The following ACOX1 variants were observed in gnomAD, a reference collection of about 807,000 sequenced individuals.
The protein encoded by ACOX1 is acyl-CoA oxidase 1, also known as peroxisomal acyl-coenzyme A oxidase 1.
A neutral mutation model predicts 75.5 loss-of-function variants in ACOX1; 41 were observed. That is an observed-to-expected ratio of 0.54 (90% CI 0.42 to 0.70). The LOEUF is 0.70. ACOX1 is among the 30% of genes least tolerant of loss of function. ACOX1 has a pLI of 0.00. For synonymous variants in ACOX1, 303 were observed against 298.8 expected (o/e 1.01, Z -0.15); for missense variants, 630 against 837.5 (o/e 0.75, Z 3.06).
rs1378528743 is a variant in ACOX1, at chr17:75,943,875, G to T, written c.*2873C>A. The T allele has an allele frequency of 1.3e-5, 2 of 152,064 alleles. No homozygotes were observed. Among genetic ancestry groups the T allele is most frequent in the African/African-American group, 4.8e-5 (2 of 41,386 alleles). The allele number at this position is 152,064 out of a possible 1,614,324, so 9.4% of individuals were successfully genotyped here. On this transcript the variant is annotated 3_prime_UTR_variant, in exon 14 of 14. Coordinates refer to ENST00000293217, the MANE Select transcript of ACOX1 (RefSeq NM_004035.7). The stretch of plus-strand genomic sequence containing the variant: ...TTTTCAATTTTGTATTTGGTTGAGA[G>T]TACTTTTTAAAAAAAGGCTTAAATC...
At chr17:75,968,589 AAGC>A (rs2065963079) in intron 2 of ACOX1, among the ~76,000 whole-genome samples, 3 of 142,340 alleles carry the variant, frequency 2.1e-5, no homozygotes, top group Non-Finnish European at 3.1e-5. Context: ...CTGGGCGACA[AAGC>A]GAGACTCCGC....
rs2065755060 is a variant in ACOX1 at position 75,949,612 on chromosome 17, T to G, written c.1479-12A>C. 3 of 1,613,458 alleles carry G rather than the reference T, an allele frequency of 1.9e-6. No homozygotes were observed. The South Asian group carries it at 3.3e-5, about 18-fold the overall frequency. On this transcript the variant is annotated splice_polypyrimidine_tract_variant and intron_variant, in intron 10 of 13. Transcript: ENST00000293217. The stretch of plus-strand genomic sequence containing the variant: ...CAATTTCTACTAATCTGTTAAGACA[T>G]AGATTGGAGGTCTGAGGAAATGATC...
rs781764190 is a variant in ACOX1 at position 75,953,433 on chromosome 17, C to G, written c.944+18G>C. The G allele has an allele frequency of 6.8e-6, 11 of 1,612,948 alleles. No individual in the cohort carries two copies. The South Asian group carries it at 1.2e-4, about 18-fold the overall frequency. On this transcript the variant is annotated intron_variant, in intron 7 of 13. Coordinates refer to ENST00000293217, the MANE Select transcript of ACOX1 (RefSeq NM_004035.7). The stretch of plus-strand genomic sequence containing the variant: ...ACTAGGCCTTTGGTACTGAGCCCAT[C>G]TAGGACCCTATCCTTACCCTGGCTT...
Position 75,957,424 on chromosome 17 carries a change from C to T in ACOX1, c.538+35G>A, listed in dbSNP as rs1230209677. On this transcript the variant is annotated intron_variant, in intron 4 of 13. Transcript: ENST00000293217. ...TAAGCAAAATCTCATGACAAACCTT[C>T]AAAACATCCAATAAATGCTGAAAAA... The T allele has an allele frequency of 3.2e-6, 5 of 1,554,320 alleles. No homozygotes were observed. The Admixed American group carries it at 8.3e-5, about 26-fold the overall frequency.
Position 75,955,569 on chromosome 17 carries a change from G to A in ACOX1, c.771C>T (p.Ala257=), listed in dbSNP as rs200755330. The change falls in exon 6 of 14, where the codon GCC becomes GCT. Residue 257 remains alanine, a synonymous_variant. Transcript: ENST00000293217. ...TTTATTTTCTATCAAAACATACCTG[G>A]GCATACTTCATCAGCATGTTTTCTC... ...IPRENMLMKY[A]QVKPDGTYVK... 9 of 1,612,118 alleles carry A rather than the reference G, an allele frequency of 5.6e-6. No individual in the cohort carries two copies. The East Asian group carries it at 2.0e-4, about 36-fold the overall frequency.
In ACOX1 at chr17:75,967,763, C is replaced by G. The variant is rs542655569; in HGVS notation, c.270-7388G>C. ...GTATATATATATATATTTTTTGAGA[C>G]AGCATGTCACTCTGTCACCCAGGCT... is the stretch of plus-strand genomic sequence containing the variant. On this transcript the variant is annotated intron_variant, in intron 2 of 13. Transcript: ENST00000293217. Among the ~76,000 whole-genome samples, 9 of 146,602 alleles carry G rather than the reference C, an allele frequency of 6.1e-5. No homozygotes were observed. In the East Asian group the frequency reaches 1.8e-3, roughly 29 times the overall value.
rs1381106860 is a variant in ACOX1 at position 75,978,182 on chromosome 17, C to A, written c.269+352G>T. Reference sequence around the variant, plus strand: ...CGATCTCGGCTCACTGCAAGCTCCGCCTCCCTAGTTCACGCTATTCTCCTG... The same window carrying A: ...CGATCTCGGCTCACTGCAAGCTCCGACTCCCTAGTTCACGCTATTCTCCTG... On this transcript the variant is annotated intron_variant, in intron 2 of 13. Transcript: ENST00000293217. This position sits in a 1 kb window ranked among gnomAD's most constrained non-coding sequence, Gnocchi z 4.2. Among the ~76,000 whole-genome samples the A allele has an allele frequency of 1.3e-5, 2 of 152,150 alleles. No homozygotes were observed. Among genetic ancestry groups the A allele is most frequent in the Non-Finnish European group, 2.9e-5 (2 of 68,024 alleles).
chr17:75,955,706 C>G, intron 5 of ACOX1, 25 bp from the exon 6 acceptor site: 1 of 1,611,928 alleles, frequency 6.2e-7, no homozygotes. Flanking sequence ...AGGACAGTCA[C>G]GAGATGTTTA....
At position 75,978,774 on chromosome 17, in the gene ACOX1, C is replaced by T; in HGVS notation, c.110-81G>A. ...ACCCTCCCTGAATCACAATAGGCTTCAGAGTCGCGGACACACCTGGGGAAT... is the reference window on the plus strand; with the variant it reads ...ACCCTCCCTGAATCACAATAGGCTTTAGAGTCGCGGACACACCTGGGGAAT... On this transcript the variant is annotated intron_variant, in intron 1 of 13. Coordinates refer to ENST00000293217, the MANE Select transcript of ACOX1 (RefSeq NM_004035.7). The surrounding 1 kb of genome is among the most constrained non-coding windows in gnomAD (Gnocchi z 4.2). 1.2e-6 allele frequency: 2 copies of T among 1,610,336 alleles called. No individual in the cohort carries two copies. Among genetic ancestry groups the T allele is most frequent in the South Asian group, 1.1e-5 (1 of 90,798 alleles).
intron 2 of ACOX1, among the ~76,000 whole-genome samples, chr17:75,975,816 C>T (rs1280897445): frequency 6.7e-6 from 1 of 149,250 alleles, no homozygotes; most frequent in Non-Finnish European, 1.5e-5. Context: ...GTGGCAGATG[C>T]CTCTTCACCT....
intron 13 of ACOX1, 32 bp downstream of exon 13, chr17:75,948,217 CTT>C: frequency 1.2e-6 from 2 of 1,609,654 alleles, no homozygotes; most frequent in Non-Finnish European, 1.7e-6. Context: ...TAAGTGAAGA[CTT>C]TTAAAAAGGT....
Position 75,979,059 on chromosome 17 carries a change from C to T in ACOX1, c.15G>A (p.Leu5=). The T allele has an allele frequency of 6.2e-7, 1 of 1,612,076 alleles. No homozygotes were observed. Among genetic ancestry groups the T allele is most frequent in the Non-Finnish European group, 8.5e-7 (1 of 1,179,990 alleles). Residue 5 remains leucine, a synonymous_variant, in exon 1 of 14, where the codon CTG becomes CTA. Transcript: ENST00000293217. Reference sequence around the variant, plus strand: ...AGCTGGCGGAATCCCGCTCCCTGCGCAGGTCCGGGTTCATGGCGACGACCA... The same window carrying T: ...AGCTGGCGGAATCCCGCTCCCTGCGTAGGTCCGGGTTCATGGCGACGACCA... MNPD[L]RRERDSASFN...
At chr17:75,948,631 C>T (rs912769776) in intron 12 of ACOX1, among the ~76,000 whole-genome samples, 174 bp from the exon 13 acceptor site, 9 of 151,268 alleles carry the variant, frequency 5.9e-5, no homozygotes, top group South Asian at 2.1e-4. Context: ...CTTGGCTCAC[C>T]GCAATCTCCG....
Position 75,955,659 on chromosome 17 carries a change from G to A in ACOX1, c.681C>T (p.Gly227=), listed in dbSNP as rs2065817467. 6.2e-7 allele frequency: 1 copy of A among 1,613,996 alleles called. No individual in the cohort carries two copies. The highest frequency in any genetic ancestry group is 1.7e-5 in the Admixed American group (1 of 59,988). Residue 227 remains glycine (G), a synonymous_variant, in exon 6 of 14, where the codon GGC becomes GGT. Transcript: ENST00000293217. Reference sequence around the variant, plus strand: ...CTATCTCATCATAACCAAATTTGGGGCCGATGTCACCAACGGTAATTCCTA... The same window carrying A: ...CTATCTCATCATAACCAAATTTGGGACCGATGTCACCAACGGTAATTCCTA... ...PLPGITVGDI[G]PKFGYDEIDN...
rs2065701523 is a variant in ACOX1, at chr17:75,944,421, T to TA, written c.*2326dup. 6.6e-6 allele frequency: 1 copy of TA among 152,168 alleles called. No homozygotes were observed. The highest frequency in any genetic ancestry group is 1.5e-5 in the Non-Finnish European group (1 of 68,038). 9.4% of individuals were successfully genotyped at this position (152,168 alleles called of 1,614,324 possible). A position where few individuals can be genotyped will look rare whatever the true frequency, so the allele number is the denominator to read the frequency against. ...CTTTAAGGTACAGCCAACAAATGTG[T>TA]ACCAAGTACTTCCAAGGACTCCTAA... On this transcript the variant is annotated 3_prime_UTR_variant, in exon 14 of 14. Coordinates refer to ENST00000293217, the MANE Select transcript of ACOX1 (RefSeq NM_004035.7).
chr17:75,953,646 C>G (rs778131995), intron 6 of ACOX1, 26 bp from the exon 7 acceptor site: 1 of 1,613,266 alleles, frequency 6.2e-7, no homozygotes, highest in South Asian at 1.1e-5. Context: ...GGAACTGATA[C>G]TTCCTTCTTT....
intron 2 of ACOX1, among the ~76,000 whole-genome samples, chr17:75,970,815 TATAAG>T (rs1237005274): frequency 6.6e-6 from 1 of 152,226 alleles, no homozygotes; most frequent in African/African-American, 2.4e-5. Context: ...GTGTATTCCA[TATAAG>T]ATAAAACCGT....
In ACOX1 at chr17:75,967,733, T is replaced by C. The variant is rs190516357; in HGVS notation, c.270-7358A>G. On this transcript the variant is annotated intron_variant, in intron 2 of 13. Coordinates refer to ENST00000293217, the MANE Select transcript of ACOX1 (RefSeq NM_004035.7). ...ATATATATATACACATATATATATA[T>C]ACACGTATATATATATATATTTTTT... is the stretch of plus-strand genomic sequence containing the variant. Among the ~76,000 whole-genome samples the C allele has an allele frequency of 3.7e-3, 511 of 139,830 alleles. 14 individuals are homozygous for C. Among genetic ancestry groups the C allele is most frequent in the Non-Finnish European group, 5.6e-3 (367 of 65,106 alleles). The allele number at this position is 139,830 out of a possible 152,430, so 91.7% of individuals were successfully genotyped here.
At chr17:75,968,435 C>CAAAAAAAAAA (rs55909021) in intron 2 of ACOX1, among the ~76,000 whole-genome samples, 8 of 21,000 alleles carry the variant, frequency 3.8e-4, no homozygotes, top group African/African-American at 7.6e-4. Flanking sequence ...GACTCCGTCT[C>CAAAAAAAAAA]AAAAAAAAAA....
Sources: allele counts gnomAD v4.1 joint callset (sites outside exome capture counted in the v4.1 genomes callset), GRCh38; gene constraint gnomAD v4.1.1; non-coding constraint Gnocchi (gnomAD v3.1); transcripts MANE v1.5; gene names NCBI Gene and HGNC (gene_info 2026-07-23, HGNC 2026-07-21).